Variants in SLC6A6 observed in about 807,000 individuals in gnomAD.
SLC6A6 encodes the protein solute carrier family 6 member 6, also known as sodium- and chloride-dependent taurine transporter.
Under a neutral mutation model 68.8 loss-of-function variants are expected in SLC6A6, and 16 were observed. That is an observed-to-expected ratio of 0.23 (90% CI 0.16 to 0.35). The LOEUF (loss-of-function observed/expected upper bound fraction) is 0.35, where lower values mean the gene tolerates loss of function less well. Among genes scored for constraint, SLC6A6 ranks in the 10% least tolerant of loss-of-function variants. SLC6A6 has a pLI of 1.00. For synonymous variants in SLC6A6, 312 were observed against 315.4 expected (o/e 0.99, Z 0.12); for missense variants, 474 against 802.8 (o/e 0.59, Z 4.95).
At chr3:14,415,582 G>T (rs752786398) in intron 1 of SLC6A6, among the ~76,000 whole-genome samples, 4 of 151,854 alleles carry the variant, frequency 2.6e-5, no homozygotes, top group Non-Finnish European at 5.9e-5. Flanking sequence ...TCCTGACTTT[G>T]TACACTTAGA....
chr3:14,427,153 G>A lies in SLC6A6; in HGVS notation c.-12+10700G>A, dbSNP rs553366800. 3.9e-5 allele frequency among the ~76,000 whole-genome samples: 6 copies of A among 152,190 alleles called. No homozygotes were observed. The South Asian group carries it at 1.2e-3, about 32-fold the overall frequency. On this transcript the variant is annotated intron_variant, in intron 2 of 14. Coordinates refer to ENST00000622186, the MANE Select transcript of SLC6A6 (RefSeq NM_003043.6). ...TGTGCCTCAGAGTAGAAGCCCTTTG[G>A]GAAGACCTAAGAGCCAACCACAATA...
At chr3:14,454,115 G>A (rs563709260) in intron 5 of SLC6A6, among the ~76,000 whole-genome samples, 159 of 152,304 alleles carry the variant, frequency 1.0e-3, no homozygotes, top group African/African-American at 3.6e-3. Flanking sequence ...CGTGTTGGCC[G>A]GGGAGCGGGA....
At chr3:14,471,004 T>C (rs1165801834) in intron 9 of SLC6A6, among the ~76,000 whole-genome samples, 1 of 152,194 alleles carries the variant, frequency 6.6e-6, no homozygotes, top group African/African-American at 2.4e-5. Flanking sequence ...TATAATGTGG[T>C]TTCTGGTTCC....
intron 6 of SLC6A6, among the ~76,000 whole-genome samples, chr3:14,460,840 GA>G (rs1365553184): frequency 5.3e-5 from 8 of 152,250 alleles, no homozygotes; most frequent in African/African-American, 1.9e-4. Context: ...CAGGCTCTGT[GA>G]ACTTCCTCAA....
rs542980804 is a variant in SLC6A6, at chr3:14,439,298, G to A, written c.-11-4326G>A. ...TCCACAATAGGAGTGTTGGAGAATAGGAAACTGTGTTCATAAACAGCTCAG... is the reference window on the plus strand; with the variant it reads ...TCCACAATAGGAGTGTTGGAGAATAAGAAACTGTGTTCATAAACAGCTCAG... On this transcript the variant is annotated intron_variant, in intron 2 of 14. Transcript: ENST00000622186. Among the ~76,000 whole-genome samples the A allele has an allele frequency of 4.6e-5, 7 of 152,342 alleles. No individual in the cohort carries two copies. In the South Asian group the frequency reaches 1.4e-3, roughly 32 times the overall value.
chr3:14,469,148 C>G (rs1700695640), intron 9 of SLC6A6, among the ~76,000 whole-genome samples: 1 of 152,176 alleles, frequency 6.6e-6, no homozygotes, highest in Non-Finnish European at 1.5e-5. Context: ...CTCCACCCTT[C>G]CCCGGCCCTG....
At chr3:14,449,787 C>G (rs901966064) in intron 5 of SLC6A6, among the ~76,000 whole-genome samples, 1 of 152,114 alleles carries the variant, frequency 6.6e-6, no homozygotes, top group African/African-American at 2.4e-5. Flanking sequence ...GAGTCTCACT[C>G]TGTTGCCAGG....
At chr3:14,463,360 C>A (rs1379965163) in intron 6 of SLC6A6, among the ~76,000 whole-genome samples, 2 of 152,240 alleles carry the variant, frequency 1.3e-5, no homozygotes, top group African/African-American at 4.8e-5. Context: ...GTGCCCCGCA[C>A]AAAATCCGCA....
intron 9 of SLC6A6, among the ~76,000 whole-genome samples, chr3:14,470,459 C>T (rs1397950782): frequency 6.6e-6 from 1 of 152,206 alleles, no homozygotes; most frequent in African/African-American, 2.4e-5. Flanking sequence ...GATTATGTCT[C>T]CTGGACTTCT....
intron 10 of SLC6A6, among the ~76,000 whole-genome samples, chr3:14,476,284 A>G (rs562853636): frequency 3.3e-5 from 5 of 152,334 alleles, no homozygotes; most frequent in South Asian, 2.1e-4. Context: ...TCAGCTGGGC[A>G]TTAGATCAAT....
chr3:14,484,125 G>A (rs759724831), intron 14 of SLC6A6, among the ~76,000 whole-genome samples: 2 of 152,202 alleles, frequency 1.3e-5, no homozygotes, highest in East Asian at 3.8e-4. Context: ...GGCAAGAGGT[G>A]GACTGGGGAG....
chr3:14,445,109 A>T (rs1700083936), intron 3 of SLC6A6, among the ~76,000 whole-genome samples: 1 of 152,192 alleles, frequency 6.6e-6, no homozygotes, highest in Admixed American at 6.5e-5. Context: ...ACAGGCAGGC[A>T]GTAGGCACAG....
intron 2 of SLC6A6, among the ~76,000 whole-genome samples, chr3:14,430,960 C>T (rs1438970890): frequency 6.6e-6 from 1 of 152,220 alleles, no homozygotes; most frequent in African/African-American, 2.4e-5. Flanking sequence ...GTGCCAAGAC[C>T]TCCAAAGCCC....
In SLC6A6 at chr3:14,450,026, A is replaced by G. The variant is rs1372873492; in HGVS notation, c.599+2210A>G. On this transcript the variant is annotated intron_variant, in intron 5 of 14. Transcript: ENST00000622186. The surrounding 1 kb of genome is among the most constrained non-coding windows in gnomAD (Gnocchi z 4.1). ...CAGCCTCCCAAAGTGCTGGGATTAC[A>G]GGCGTGAGCCACTGTGCCTGGCCAG... Among the ~76,000 whole-genome samples the G allele has an allele frequency of 6.6e-6, 1 of 152,222 alleles. No homozygotes were observed. Among genetic ancestry groups the G allele is most frequent in the Non-Finnish European group, 1.5e-5 (1 of 68,048 alleles).
At chr3:14,417,958 A>G (rs1278180309) in intron 2 of SLC6A6, among the ~76,000 whole-genome samples, 2 of 152,160 alleles carry the variant, frequency 1.3e-5, no homozygotes, top group Non-Finnish European at 2.9e-5. Flanking sequence ...TGATTAAGAC[A>G]TTGCCTGCTC....
chr3:14,466,962 C>A (rs1022965981), intron 7 of SLC6A6, among the ~76,000 whole-genome samples: 1 of 152,192 alleles, frequency 6.6e-6, no homozygotes, highest in African/African-American at 2.4e-5. Context: ...GTCTCCCGCT[C>A]GGACCCAGCT....
intron 6 of SLC6A6, among the ~76,000 whole-genome samples, chr3:14,460,620 C>T (rs1377816882): frequency 1.3e-5 from 2 of 152,216 alleles, no homozygotes; most frequent in African/African-American, 4.8e-5. Context: ...AGACATAATG[C>T]AGAATACAGG....
chr3:14,467,147 T>C (rs909932786), intron 7 of SLC6A6, among the ~76,000 whole-genome samples: 4 of 152,046 alleles, frequency 2.6e-5, no homozygotes, highest in African/African-American at 9.7e-5. Context: ...CTTGGGGAGG[T>C]GGAGAAAGCC....
At chr3:14,412,734 T>C (rs1294290196) in intron 1 of SLC6A6, among the ~76,000 whole-genome samples, 1 of 152,204 alleles carries the variant, frequency 6.6e-6, no homozygotes. Context: ...TGGGGACCAC[T>C]CTTTGAGTCA....
Sources: allele counts gnomAD v4.1 joint callset (sites outside exome capture counted in the v4.1 genomes callset), GRCh38; gene constraint gnomAD v4.1.1; non-coding constraint Gnocchi (gnomAD v3.1); transcripts MANE v1.5; gene names NCBI Gene and HGNC (gene_info 2026-07-23, HGNC 2026-07-21).